The following ARHGAP10 variants were observed in gnomAD, a reference collection of about 807,000 sequenced individuals.
The protein encoded by ARHGAP10 is rho GTPase-activating protein 10.
ARHGAP10 carries 87 observed loss-of-function variants against 108.6 expected under a neutral mutation model. That is an observed-to-expected ratio of 0.80 (90% confidence interval 0.67 to 0.96). The LOEUF is 0.96. ARHGAP10 is among the 40% of genes least tolerant of loss of function. The probability of loss-of-function intolerance (pLI) is 0.00; values close to 1 mark genes in which losing one functional copy is unlikely to be tolerated. For synonymous variants in ARHGAP10, 347 were observed against 341.1 expected, an observed-to-expected ratio of 1.02 and a Z score of -0.19; for missense variants, 939 against 954.5, an observed-to-expected ratio of 0.98 and a Z score of 0.21.
At chr4:147,932,619 G>C (rs920104676) in intron 13 of ARHGAP10, among the ~76,000 whole-genome samples, 2 of 151,160 alleles carry the variant, frequency 1.3e-5, no homozygotes, top group African/African-American at 2.4e-5. Context: ...ATGGACACAT[G>C]GGGGGAACAA....
intron 1 of ARHGAP10, among the ~76,000 whole-genome samples, chr4:147,735,422 A>T (rs1728376392): frequency 6.6e-6 from 1 of 152,230 alleles, no homozygotes; most frequent in African/African-American, 2.4e-5. Context: ...CTCACTGGTG[A>T]TAAGGAGTAG....
At chr4:147,807,614 C>CA (rs755259744) in intron 1 of ARHGAP10, among the ~76,000 whole-genome samples, 4 of 149,058 alleles carry the variant, frequency 2.7e-5, no homozygotes, top group African/African-American at 7.4e-5. Context: ...AAGCATAATC[C>CA]AAAAAAAGGC....
rs548079390 is a variant in ARHGAP10 at position 147,817,439 on chromosome 4, A to G, written c.155-5288A>G. Among the ~76,000 whole-genome samples, 13 of 152,328 alleles carry G rather than the reference A, an allele frequency of 8.5e-5. 1 individual carries two copies. The highest frequency in any genetic ancestry group is 2.9e-4 in the African/African-American group (12 of 41,566). ...TTGTTGATAAATAGGTGGCTCTGCT[A>G]TAAGAAATAATTTTCTCAGTTGTAG... On this transcript the variant is annotated intron_variant, in intron 1 of 22. Transcript: ENST00000336498.
chr4:147,811,280 G>A (rs1238371735), intron 1 of ARHGAP10, among the ~76,000 whole-genome samples: 2 of 152,204 alleles, frequency 1.3e-5, no homozygotes, highest in African/African-American at 2.4e-5. Flanking sequence ...GTAGCTCCTC[G>A]TTGGAATACT....
intron 18 of ARHGAP10, among the ~76,000 whole-genome samples, chr4:147,990,802 A>G (rs1168684657): frequency 6.6e-6 from 1 of 152,172 alleles, no homozygotes; most frequent in Non-Finnish European, 1.5e-5. Context: ...CACGAGGATC[A>G]CAAAACTGCC....
intron 10 of ARHGAP10, among the ~76,000 whole-genome samples, chr4:147,897,023 T>C (rs1311621348): frequency 6.6e-6 from 1 of 152,052 alleles, no homozygotes; most frequent in Non-Finnish European, 1.5e-5. Flanking sequence ...AATGACCCTT[T>C]TATGAAATAT....
chr4:147,870,119 C>T (rs1734753792), intron 7 of ARHGAP10, among the ~76,000 whole-genome samples: 1 of 151,804 alleles, frequency 6.6e-6, no homozygotes, highest in Non-Finnish European at 1.5e-5. Flanking sequence ...CAATCAATCT[C>T]GGCTCACTGC....
chr4:147,746,524 C>G (rs1728931789), intron 1 of ARHGAP10, among the ~76,000 whole-genome samples: 1 of 151,584 alleles, frequency 6.6e-6, no homozygotes. Context: ...TCTCAGCCTC[C>G]TGAGTAGCTC....
At chr4:148,031,032 C>G (rs1469005702) in intron 19 of ARHGAP10, among the ~76,000 whole-genome samples, 1 of 152,046 alleles carries the variant, frequency 6.6e-6, no homozygotes, top group Non-Finnish European at 1.5e-5. Flanking sequence ...GCACTCCAGC[C>G]TGGGTGACAG....
intron 15 of ARHGAP10, among the ~76,000 whole-genome samples, chr4:147,953,462 C>T (rs772275789): frequency 6.6e-6 from 1 of 152,030 alleles, no homozygotes. Flanking sequence ...TTATCTGTTT[C>T]TTCTTGAGCG....
At chr4:148,003,954 G>GCCTAAGCCTAAATCAGCA (rs1231926473) in intron 18 of ARHGAP10, among the ~76,000 whole-genome samples, 1 of 151,296 alleles carries the variant, frequency 6.6e-6, no homozygotes, top group African/African-American at 2.5e-5. Context: ...ATTATGCTAA[G>GCCTAAGCCTAAATCAGCA]AGACGTGAGA....
intron 1 of ARHGAP10, among the ~76,000 whole-genome samples, chr4:147,769,528 A>G (rs1215015785): frequency 1.3e-5 from 2 of 152,130 alleles, no homozygotes; most frequent in South Asian, 2.1e-4. Flanking sequence ...GTTAACTGAC[A>G]TTGTTTCCCG....
chr4:148,001,561 C>T (rs1211844246), intron 18 of ARHGAP10, among the ~76,000 whole-genome samples: 7 of 151,794 alleles, frequency 4.6e-5, no homozygotes, highest in Non-Finnish European at 1.0e-4. Context: ...GAATGTTCTT[C>T]CATTTGTTTG....
At position 147,732,390 on chromosome 4, in the gene ARHGAP10, A is replaced by G; in HGVS notation, c.89A>G (p.Glu30Gly). The change falls in exon 1 of 23, where the codon GAG becomes GGG. Residue 30 changes from glutamate to glycine, a missense_variant. Physicochemically the swap from Glu to Gly is moderately conservative, Grantham distance 98. Transcript: ENST00000336498. ...ATCCGCGCTCACGAAGCGGAACTCG[A>G]GAGGACCAACAAGTTCATCAAAGAG... ...ERIRAHEAEL[E>G]RTNKFIKELI... 6.2e-7 allele frequency: 1 copy of G among 1,613,474 alleles called. No homozygotes were observed. The highest frequency in any genetic ancestry group is 2.2e-5 in the East Asian group (1 of 44,808).
At chr4:147,749,659 C>G (rs1001477750) in intron 1 of ARHGAP10, among the ~76,000 whole-genome samples, 3 of 152,088 alleles carry the variant, frequency 2.0e-5, no homozygotes, top group Admixed American at 2.0e-4. Context: ...TCTTCTGAAA[C>G]TGTATTATAG....
intron 18 of ARHGAP10, among the ~76,000 whole-genome samples, chr4:147,983,391 T>C (rs908890223): frequency 1.3e-5 from 2 of 151,592 alleles, no homozygotes; most frequent in Non-Finnish European, 2.9e-5. Context: ...TTCACCGTGT[T>C]AGCCAGGATG....
chr4:147,793,545 C>G (rs561848523), intron 1 of ARHGAP10, among the ~76,000 whole-genome samples: 68 of 152,066 alleles, frequency 4.5e-4, no homozygotes, highest in African/African-American at 1.5e-3. Flanking sequence ...GCTATTTAGC[C>G]AAAAATACAA....
chr4:147,987,695 T>C (rs1274879286), intron 18 of ARHGAP10, among the ~76,000 whole-genome samples: 2 of 152,210 alleles, frequency 1.3e-5, no homozygotes, highest in East Asian at 3.8e-4. Flanking sequence ...AGCCAGTTAC[T>C]ATGAGGTTGT....
chr4:147,952,821 T>C (rs1288545301), intron 15 of ARHGAP10, among the ~76,000 whole-genome samples: 1 of 152,034 alleles, frequency 6.6e-6, no homozygotes, highest in Non-Finnish European at 1.5e-5. Context: ...TAAGAAACCT[T>C]TGCACTTATT....
Sources: gnomAD v4.1 joint callset for allele counts (sites outside exome capture counted in the v4.1 genomes callset) on GRCh38, gnomAD v4.1.1 for gene constraint, MANE v1.5 for transcripts, NCBI Gene and HGNC (gene_info 2026-07-23, HGNC 2026-07-21) for gene names.